CD96: variants seen among roughly 807,000 people sequenced by gnomAD.
The protein encoded by CD96 is CD96 molecule, also known as T-cell surface protein tactile.
Under a neutral mutation model 71.3 loss-of-function variants are expected in CD96, and 70 were observed. The ratio of observed to expected loss-of-function variants is 0.98; its 90% confidence interval spans 0.81 to 1.20. The LOEUF (loss-of-function observed/expected upper bound fraction) is 1.20, where lower values mean the gene tolerates loss of function less well. Among genes scored for constraint, CD96 ranks in the 50% most tolerant of loss-of-function variants. The probability of loss-of-function intolerance (pLI) is 0.00; values close to 1 mark genes in which losing one functional copy is unlikely to be tolerated. For missense variants in CD96, 742 were observed against 677.5 expected (o/e 1.10, Z -1.06); for synonymous variants, 248 against 233.0 (o/e 1.06, Z -0.59).
chr3:111,573,235 GT>G (rs1209258224), intron 3 of CD96, among the ~76,000 whole-genome samples: 2 of 152,134 alleles, frequency 1.3e-5, no homozygotes, highest in African/African-American at 4.8e-5. Context: ...CTAATATTCT[GT>G]TTTCATAGCA....
At chr3:111,593,734 C>T (rs146394022) in intron 5 of CD96, 3 of 1,614,096 alleles carry the variant, frequency 1.9e-6, no homozygotes, top group Non-Finnish European at 2.5e-6. Flanking sequence ...CCTCCTTTTC[C>T]CTTTGGCTGG....
intron 14 of CD96, among the ~76,000 whole-genome samples, chr3:111,658,277 C>A (rs1405715081): frequency 6.6e-6 from 1 of 151,938 alleles, no homozygotes; most frequent in Non-Finnish European, 1.5e-5. Flanking sequence ...GAGTTAGAAA[C>A]CATTGAGAAA....
chr3:111,627,943 G>C (rs1263967011), intron 10 of CD96, among the ~76,000 whole-genome samples: 1 of 151,896 alleles, frequency 6.6e-6, no homozygotes, highest in Non-Finnish European at 1.5e-5. Context: ...GTCGTTCAAA[G>C]AAAACAAATA....
chr3:111,593,601 C>T, intron 5 of CD96: 1 of 1,562,184 alleles, frequency 6.4e-7, no homozygotes, highest in Non-Finnish European at 8.7e-7. Context: ...CGCTGGCATG[C>T]CTCCTTCTCA....
At chr3:111,544,675 A>C (rs535614303) in intron 1 of CD96, among the ~76,000 whole-genome samples, 1 of 152,334 alleles carries the variant, frequency 6.6e-6, no homozygotes, top group East Asian at 1.9e-4. Context: ...TTTATAACCC[A>C]AAAAGCCAAT....
intron 8 of CD96, among the ~76,000 whole-genome samples, chr3:111,620,832 T>C (rs1046313456): frequency 6.6e-6 from 1 of 152,220 alleles, no homozygotes; most frequent in Admixed American, 6.5e-5. Context: ...CCCTGAGGCA[T>C]GTTTCTCCCC....
chr3:111,556,097 AT>A (rs1935008862), intron 2 of CD96, among the ~76,000 whole-genome samples: 1 of 152,304 alleles, frequency 6.6e-6, no homozygotes, highest in South Asian at 2.1e-4. Context: ...CAACTCTAAA[AT>A]ATACATTTGC....
intron 12 of CD96, among the ~76,000 whole-genome samples, chr3:111,646,718 A>G (rs956887124): frequency 2.0e-5 from 3 of 152,088 alleles, no homozygotes; most frequent in Non-Finnish European, 2.9e-5. Context: ...TATATTGGAT[A>G]TATACCCAAA....
chr3:111,605,962 C>T (rs1228284580), intron 7 of CD96, among the ~76,000 whole-genome samples: 1 of 152,198 alleles, frequency 6.6e-6, no homozygotes, highest in African/African-American at 2.4e-5. Context: ...ATTTAACCCA[C>T]ATGTTCCTAA....
intron 7 of CD96, among the ~76,000 whole-genome samples, chr3:111,601,359 A>T (rs1312449479): frequency 6.6e-6 from 1 of 152,222 alleles, no homozygotes; most frequent in African/African-American, 2.4e-5. Flanking sequence ...TGTGTACAAT[A>T]AAAATACCAT....
chr3:111,567,347 C>T (rs985159288), intron 2 of CD96, among the ~76,000 whole-genome samples, 176 bp from the exon 3 acceptor site: 1 of 152,182 alleles, frequency 6.6e-6, no homozygotes, highest in African/African-American at 2.4e-5. Flanking sequence ...TCCTCAGTGA[C>T]TCTGTTTAGC....
Position 111,593,979 on chromosome 3 carries a change from A to G in CD96, c.808-4141A>G, listed in dbSNP as rs147602525. 5 of 1,613,982 alleles carry G rather than the reference A, an allele frequency of 3.1e-6. No homozygotes were observed. The African/African-American group carries it at 6.7e-5, about 22-fold the overall frequency. ...CTGCCACACAGGCGGCAGGTGGCAT[A>G]CTGGTTGGGATGGTGCCCAGCACGA... On this transcript the variant is annotated intron_variant, in intron 5 of 13. Coordinates refer to ENST00000352690, the MANE Select transcript of CD96 (RefSeq NM_005816.5).
chr3:111,610,598 C>T lies in CD96; in HGVS notation c.1180+3806C>T, dbSNP rs548190704. Among the ~76,000 whole-genome samples the T allele has an allele frequency of 5.6e-4, 85 of 152,250 alleles. No individual in the cohort carries two copies. In the South Asian group the frequency reaches 5.6e-3, roughly 10 times the overall value. On this transcript the variant is annotated intron_variant, in intron 8 of 13. Transcript: ENST00000352690. ...GGAGAACTTAATAACTCATAACAAA[C>T]TGTAAGAGTTATCCAGGGAAGCCCA...
Position 111,600,726 on chromosome 3 carries a change from G to T in CD96, c.899G>T (p.Gly300Val). The T allele has an allele frequency of 6.2e-7, 1 of 1,605,900 alleles. No individual in the cohort carries two copies. Among genetic ancestry groups the T allele is most frequent in the Non-Finnish European group, 8.5e-7 (1 of 1,172,630 alleles). ...AACCATGTTCGTATCTGTCTGGCAG[G>T]AATATATATTACTAATGAAGAGAGA... The part of the protein sequence containing the change: ...DGSFLHDEKE[G>V]IYITNEERKG... The change falls in exon 7 of 14, where the codon GGA becomes GTA. Residue 300 changes from glycine to valine, a missense_variant and splice_region_variant. By Grantham distance (109) the Gly-to-Val change is moderately radical (BLOSUM62 -3). Transcript: ENST00000352690.
chr3:111,589,905 A>C (rs191228373), intron 5 of CD96, among the ~76,000 whole-genome samples: 53 of 152,354 alleles, frequency 3.5e-4, no homozygotes, highest in Non-Finnish European at 6.0e-4. Context: ...AACCTCCACG[A>C]GCCTCAGCTA....
At chr3:111,567,720 A>G (rs1935787338) in intron 3 of CD96, 73 bp downstream of exon 3, 1 of 1,298,428 alleles carries the variant, frequency 7.7e-7, no homozygotes, top group African/African-American at 1.5e-5. Flanking sequence ...AATAAGCAGT[A>G]ATAATAGGGA....
intron 3 of CD96, chr3:111,571,130 T>C: frequency 1.5e-6 from 1 of 688,010 alleles, no homozygotes; most frequent in East Asian, 2.5e-5. Context: ...CAGCACATGC[T>C]GTTCCCTCTA....
At chr3:111,570,064 G>A (rs908861547) in intron 3 of CD96, among the ~76,000 whole-genome samples, 3 of 151,706 alleles carry the variant, frequency 2.0e-5, no homozygotes, top group African/African-American at 7.3e-5. Context: ...GGGGGTGGGG[G>A]CTCAGGGAAG....
intron 10 of CD96, among the ~76,000 whole-genome samples, chr3:111,625,988 G>T (rs763507086): frequency 6.6e-6 from 1 of 152,118 alleles, no homozygotes; most frequent in Non-Finnish European, 1.5e-5. Flanking sequence ...TGAAACACAC[G>T]TGGCTAGAAA....
Sources: gnomAD v4.1 joint callset for allele counts (sites outside exome capture counted in the v4.1 genomes callset) on GRCh38, gnomAD v4.1.1 for gene constraint, MANE v1.5 for transcripts, NCBI Gene and HGNC (gene_info 2026-07-23, HGNC 2026-07-21) for gene names.